ZFHX3: variants seen among roughly 807,000 people sequenced by gnomAD.
ZFHX3 encodes the protein zinc finger homeobox 3.
A neutral mutation model predicts 279.1 loss-of-function variants in ZFHX3; 42 were observed. The observed-to-expected ratio is 0.15, with a 90% confidence interval of 0.12 to 0.19. The LOEUF (loss-of-function observed/expected upper bound fraction) is 0.19, where lower values mean the gene tolerates loss of function less well. ZFHX3 is among the 10% of genes least tolerant of loss of function. The pLI, the probability that ZFHX3 is intolerant of heterozygous loss-of-function variation, is 1.00. For synonymous variants in ZFHX3, 2,293 were observed against 1,957.8 expected, an observed-to-expected ratio of 1.17 and a Z score of -4.52; for missense variants, 4,981 against 4,754.0, an observed-to-expected ratio of 1.05 and a Z score of -1.40.
intron 3 of ZFHX3, among the ~76,000 whole-genome samples, chr16:73,445,280 G>GTA (rs146186514): frequency 0.65 from 97,827 of 149,470 alleles, 32,640 homozygotes; most frequent in South Asian, 0.77. Context: ...GTATATATGT[G>GTA]TGTATATATA....
intron 2 of ZFHX3, among the ~76,000 whole-genome samples, chr16:73,674,611 T>A (rs899134652): frequency 6.6e-6 from 1 of 152,208 alleles, no homozygotes; most frequent in Non-Finnish European, 1.5e-5. Context: ...CAATAGGACA[T>A]GACAGTTTCT....
At chr16:72,875,543 C>G (rs1212909678) in intron 4 of ZFHX3, among the ~76,000 whole-genome samples, 1 of 152,250 alleles carries the variant, frequency 6.6e-6, no homozygotes, top group East Asian at 1.9e-4. Flanking sequence ...CTACTTCATT[C>G]AGGGAACTGG....
intron 1 of ZFHX3, among the ~76,000 whole-genome samples, chr16:73,884,971 G>T (rs910452567): frequency 6.6e-6 from 1 of 152,118 alleles, no homozygotes; most frequent in Non-Finnish European, 1.5e-5. Context: ...TAACTTGGTA[G>T]ATTCAAAATT....
chr16:73,462,463 G>A (rs1172544401), intron 2 of ZFHX3, among the ~76,000 whole-genome samples: 2 of 152,144 alleles, frequency 1.3e-5, no homozygotes, highest in African/African-American at 4.8e-5. Context: ...GAATGAGAGT[G>A]TTAAGAGTGG....
At chr16:73,691,469 A>C (rs1328039162) in intron 1 of ZFHX3, among the ~76,000 whole-genome samples, 1 of 152,260 alleles carries the variant, frequency 6.6e-6, no homozygotes, top group Non-Finnish European at 1.5e-5. Flanking sequence ...ATTTAGAATA[A>C]GACAAATATG....
intron 1 of ZFHX3, among the ~76,000 whole-genome samples, chr16:73,836,069 G>A (rs535029525): frequency 1.8e-4 from 28 of 152,280 alleles, no homozygotes; most frequent in African/African-American, 5.8e-4. Context: ...GCTTTCACTC[G>A]AGGATGAGAA....
At chr16:73,263,249 G>T (rs930402108) in intron 4 of ZFHX3, among the ~76,000 whole-genome samples, 1 of 151,414 alleles carries the variant, frequency 6.6e-6, no homozygotes, top group Non-Finnish European at 1.5e-5. Flanking sequence ...AGATTAGAGG[G>T]CAGTCACTAC....
chr16:73,603,050 C>T (rs1260529681), intron 2 of ZFHX3, among the ~76,000 whole-genome samples: 2 of 151,816 alleles, frequency 1.3e-5, no homozygotes, highest in Non-Finnish European at 2.9e-5. Flanking sequence ...CTTTGGGAGG[C>T]CGAGGCGGGT....
At chr16:73,165,572 C>T (rs768869402) in intron 5 of ZFHX3, among the ~76,000 whole-genome samples, 3 of 152,110 alleles carry the variant, frequency 2.0e-5, no homozygotes, top group Non-Finnish European at 4.4e-5. Context: ...GTGGACCGAG[C>T]CCACCTTTGT....
chr16:73,701,915 T>C (rs2053251599), intron 1 of ZFHX3, among the ~76,000 whole-genome samples: 1 of 152,072 alleles, frequency 6.6e-6, no homozygotes, highest in African/African-American at 2.4e-5. Flanking sequence ...GGGCGATTTC[T>C]ATCACTGCAC....
intron 3 of ZFHX3, among the ~76,000 whole-genome samples, chr16:73,431,261 C>T (rs1229396941): frequency 1.3e-5 from 2 of 151,304 alleles, no homozygotes; most frequent in African/African-American, 4.9e-5. Flanking sequence ...TTATGTCAGC[C>T]AGGCACGGTG....
intron 3 of ZFHX3, among the ~76,000 whole-genome samples, chr16:73,346,045 G>C (rs966026745): frequency 6.6e-6 from 1 of 152,138 alleles, no homozygotes; most frequent in Non-Finnish European, 1.5e-5. Flanking sequence ...GTCCCTCTGA[G>C]ACCCTTCTCA....
At chr16:73,001,117 G>A (rs1049149045) in intron 1 of ZFHX3, among the ~76,000 whole-genome samples, 3 of 152,208 alleles carry the variant, frequency 2.0e-5, no homozygotes, top group African/African-American at 7.2e-5. Flanking sequence ...CTTCTGAGAT[G>A]AGGCTGCAAA....
chr16:73,023,751 C>G (rs144539179), intron 1 of ZFHX3, among the ~76,000 whole-genome samples: 1 of 152,290 alleles, frequency 6.6e-6, no homozygotes, highest in African/African-American at 2.4e-5. Context: ...TGTCATCTTG[C>G]CACCACCCAC....
Position 73,146,256 on chromosome 16 carries a change from C to T in ZFHX3, c.-1103-2425G>A, listed in dbSNP as rs950587639. 1.9e-4 allele frequency among the ~76,000 whole-genome samples: 29 copies of T among 152,114 alleles called. 1 individual carries two copies. Among genetic ancestry groups the T allele is most frequent in the Admixed American group, 1.3e-3 (20 of 15,282 alleles). ...CATCCTGGCCAACATGGTGAAACCC[C>T]GTCTCTACTAAAAATACAAAAATTA... is the stretch of plus-strand genomic sequence containing the variant. On this transcript the variant is annotated intron_variant, in intron 5 of 17. Transcript: ENST00000641206.
chr16:73,367,404 A>G (rs2016548049), intron 3 of ZFHX3, among the ~76,000 whole-genome samples: 1 of 152,246 alleles, frequency 6.6e-6, no homozygotes, highest in Admixed American at 6.5e-5. Context: ...AACCACTTAG[A>G]AAAACACATG....
intron 2 of ZFHX3, among the ~76,000 whole-genome samples, chr16:73,463,076 A>G (rs998884189): frequency 1.3e-5 from 2 of 152,128 alleles, no homozygotes; most frequent in Non-Finnish European, 2.9e-5. Flanking sequence ...AACTCCTCCC[A>G]CAATTATGCA....
intron 7 of ZFHX3, among the ~76,000 whole-genome samples, chr16:73,109,240 C>T (rs1163956034): frequency 3.9e-5 from 6 of 152,176 alleles, no homozygotes; most frequent in Non-Finnish European, 5.9e-5. Flanking sequence ...GCATAGGTTT[C>T]GTGTCTTTAT....
chr16:73,340,531 T>C (rs1351939924), intron 3 of ZFHX3, among the ~76,000 whole-genome samples: 2 of 152,158 alleles, frequency 1.3e-5, no homozygotes, highest in Non-Finnish European at 2.9e-5. Context: ...TACTTTGGTT[T>C]TTTTGTGTGT....
Sources: allele counts gnomAD v4.1 joint callset (sites outside exome capture counted in the v4.1 genomes callset), GRCh38; gene constraint gnomAD v4.1.1; transcripts MANE v1.5; gene names NCBI Gene and HGNC (gene_info 2026-07-23, HGNC 2026-07-21).